Variants in NDUFA10 observed in about 807,000 individuals in gnomAD.
The protein encoded by NDUFA10 is NADH:ubiquinone oxidoreductase subunit A10.
A neutral mutation model predicts 47.8 loss-of-function variants in NDUFA10; 40 were observed. The observed-to-expected ratio is 0.84, with a 90% CI of 0.65 to 1.09. The LOEUF (loss-of-function observed/expected upper bound fraction) is 1.09. Among genes scored for constraint, NDUFA10 ranks in the 50% least tolerant of loss-of-function variants. The pLI is 0.00. For synonymous variants in NDUFA10, 183 were observed against 172.2 expected (o/e 1.06, Z -0.49); for missense variants, 413 against 451.1 (o/e 0.92, Z 0.76).
At chr2:240,020,830 T>A (rs955912718) in intron 3 of NDUFA10, among the ~76,000 whole-genome samples, 3 of 152,238 alleles carry the variant, frequency 2.0e-5, no homozygotes, top group Non-Finnish European at 4.4e-5. Flanking sequence ...TCTGTCTGCA[T>A]GGCACATGCA....
chr2:239,898,927 GAGGGGTGT>G (rs1693455752), intron 4 of NDUFA10, among the ~76,000 whole-genome samples: 3 of 150,126 alleles, frequency 2.0e-5, no homozygotes, highest in South Asian at 4.3e-4. Context: ...GGTTGTGATG[GAGGGGTGT>G]GACGGAGGGG....
chr2:239,939,565 A>G (rs138812503), intron 4 of NDUFA10, among the ~76,000 whole-genome samples: 34 of 152,384 alleles, frequency 2.2e-4, no homozygotes, highest in Non-Finnish European at 3.5e-4. Flanking sequence ...AAGATTATAC[A>G]AGTTCATTAT....
At chr2:240,000,527 T>C (rs75879955) in intron 8 of NDUFA10, among the ~76,000 whole-genome samples, 5,474 of 152,296 alleles carry the variant, frequency 0.036, 158 homozygotes, top group African/African-American at 0.068. Context: ...GGTTAATCTC[T>C]TACTGAAGAA....
At chr2:239,937,294 G>A (rs768415133) in intron 4 of NDUFA10, among the ~76,000 whole-genome samples, 10 of 152,310 alleles carry the variant, frequency 6.6e-5, no homozygotes, top group Non-Finnish European at 1.3e-4. Flanking sequence ...ACAGAATTGC[G>A]TAACTACTGC....
At chr2:240,021,002 T>C (rs575056723) in intron 3 of NDUFA10, 195 bp downstream of exon 3, 44 of 639,904 alleles carry the variant, frequency 6.9e-5, no homozygotes, top group African/African-American at 2.9e-4. Context: ...CCAGTATCCA[T>C]AGTGAAACAG....
chr2:239,896,778 G>C (rs931161291), intron 4 of NDUFA10, among the ~76,000 whole-genome samples: 1 of 152,156 alleles, frequency 6.6e-6, no homozygotes, highest in African/African-American at 2.4e-5. Flanking sequence ...TGCAGACCAA[G>C]TCATCTGCAA....
intron 4 of NDUFA10, among the ~76,000 whole-genome samples, chr2:239,937,029 C>A (rs1283720795): frequency 6.6e-6 from 1 of 152,200 alleles, no homozygotes; most frequent in African/African-American, 2.4e-5. Flanking sequence ...AGCTGCCCTC[C>A]CCTCGTGTGT....
At position 239,945,713 on chromosome 2, in the gene NDUFA10, G is replaced by T. The variant is rs558461431; in HGVS notation, c.294+44361C>A. ...TCCAGAGCTTCCACCCAGTTACTTT[G>T]TATTTTTTAAACACACAATGAATGT... On this transcript the variant is annotated intron_variant, in intron 4 of 5. Transcript: ENST00000419408. The surrounding 1 kb of genome is among the most constrained non-coding windows in gnomAD (Gnocchi z 4.6). Among the ~76,000 whole-genome samples, 127 of 152,338 alleles carry T rather than the reference G, an allele frequency of 8.3e-4. No individual in the cohort carries two copies. The Middle Eastern group carries it at 0.01, about 12-fold the overall frequency.
intron 4 of NDUFA10, among the ~76,000 whole-genome samples, chr2:239,936,799 A>G (rs1253471194): frequency 6.6e-6 from 1 of 152,132 alleles, no homozygotes; most frequent in African/African-American, 2.4e-5. Context: ...CTAATAATAA[A>G]AAAATTAGCC....
rs1042776339 is a variant in NDUFA10 at position 240,006,462 on chromosome 2, A to G, written c.804+854T>C. ...CCCAATGCTGAGAGGCAACTGAAGCACGCTTGTCACCCCAGCAGCCAACTA... is the reference window on the plus strand; with the variant it reads ...CCCAATGCTGAGAGGCAACTGAAGCGCGCTTGTCACCCCAGCAGCCAACTA... On this transcript the variant is annotated intron_variant, in intron 7 of 9. Coordinates refer to ENST00000252711, the MANE Select transcript of NDUFA10 (RefSeq NM_004544.4). Among the ~76,000 whole-genome samples the G allele has an allele frequency of 6.6e-5, 10 of 152,192 alleles. No homozygotes were observed. The South Asian group carries it at 8.3e-4, about 13-fold the overall frequency.
chr2:240,019,817 T>A (rs1224934246), intron 3 of NDUFA10, among the ~76,000 whole-genome samples: 1 of 4,892 alleles, frequency 2.0e-4, no homozygotes, highest in South Asian at 7.2e-3. Flanking sequence ...AGACTCCGTC[T>A]CAAAAAAAAA....
rs375276431 is a variant in NDUFA10, at chr2:239,982,203, G to A, written c.999+7871C>T. The A allele has an allele frequency of 1.7e-5, 27 of 1,612,720 alleles. No individual in the cohort carries two copies. The African/African-American group carries it at 1.7e-4, about 10-fold the overall frequency. ...TCTTGTACTCTGCACAGCCCGCTGC[G>A]GGTAGGGGATCCCCAGCTACAAGGT... On this transcript the variant is annotated intron_variant, in intron 9 of 9. Coordinates refer to ENST00000252711, the MANE Select transcript of NDUFA10 (RefSeq NM_004544.4).
chr2:239,915,448 A>C (rs1693846975), intron 4 of NDUFA10, among the ~76,000 whole-genome samples: 1 of 143,188 alleles, frequency 7.0e-6, no homozygotes, highest in South Asian at 2.1e-4. Context: ...ACACACACAG[A>C]GAGACAGAGA....
intron 9 of NDUFA10, 75 bp downstream of exon 9, chr2:239,989,998 TG>T: frequency 9.3e-7 from 1 of 1,072,822 alleles, no homozygotes; most frequent in Non-Finnish European, 1.5e-6. Context: ...AACTCCTTTC[TG>T]GAGAAGTGAC....
intron 4 of NDUFA10, among the ~76,000 whole-genome samples, chr2:239,911,193 C>T (rs1057330055): frequency 1.8e-4 from 27 of 152,340 alleles, no homozygotes; most frequent in African/African-American, 5.8e-4. Flanking sequence ...CTACTGTCCC[C>T]GCCTCCCTGG....
intron 4 of NDUFA10, among the ~76,000 whole-genome samples, chr2:239,919,574 C>T (rs1274212885): frequency 2.6e-5 from 4 of 152,144 alleles, no homozygotes; most frequent in African/African-American, 9.7e-5. Flanking sequence ...ACAGATTCAC[C>T]AAAACACCTG....
chr2:239,904,692 G>T (rs1040199947), intron 4 of NDUFA10, among the ~76,000 whole-genome samples: 3 of 152,216 alleles, frequency 2.0e-5, no homozygotes, highest in African/African-American at 4.8e-5. Context: ...ACCCCAGCCT[G>T]GTGCATCAGT....
At chr2:239,985,911 CAAAA>C (rs34928768) in intron 9 of NDUFA10, among the ~76,000 whole-genome samples, 65 of 91,816 alleles carry the variant, frequency 7.1e-4, no homozygotes, top group South Asian at 5.8e-3. Context: ...GATTCTGTCT[CAAAA>C]AAAAAAAAAA....
intron 4 of NDUFA10, among the ~76,000 whole-genome samples, chr2:239,920,801 G>A (rs1304476817): frequency 6.6e-6 from 1 of 152,164 alleles, no homozygotes; most frequent in African/African-American, 2.4e-5. Context: ...GCTATTGAAA[G>A]AAAGCCTGGC....
Sources: allele counts gnomAD v4.1 joint callset (sites outside exome capture counted in the v4.1 genomes callset), GRCh38; gene constraint gnomAD v4.1.1; non-coding constraint Gnocchi (gnomAD v3.1); transcripts MANE v1.5; gene names NCBI Gene and HGNC (gene_info 2026-07-23, HGNC 2026-07-21).